SEC63: variants seen among roughly 807,000 people sequenced by gnomAD.
SEC63 encodes SEC63 protein translocation regulator.
In SEC63, 56 loss-of-function variants were observed where a neutral mutation model predicts 116.2. That is an observed-to-expected ratio of 0.48 (90% CI 0.39 to 0.60). The LOEUF (loss-of-function observed/expected upper bound fraction) is 0.60, where lower values mean the gene tolerates loss of function less well. SEC63 is among the 20% of genes least tolerant of loss of function. The probability of loss-of-function intolerance (pLI) is 0.00; values close to 1 mark genes in which losing one functional copy is unlikely to be tolerated. For missense variants in SEC63, 668 were observed against 900.0 expected (o/e 0.74, Z 3.30); for synonymous variants, 273 against 294.6 (o/e 0.93, Z 0.75).
chr6:107,902,576 T>C (rs967372264), intron 12 of SEC63, among the ~76,000 whole-genome samples: 2 of 152,214 alleles, frequency 1.3e-5, no homozygotes, highest in African/African-American at 4.8e-5. Context: ...TTATTTTTGG[T>C]AACATAATAT....
chr6:107,901,265 C>G, intron 13 of SEC63, 105 bp downstream of exon 13: 1 of 1,151,238 alleles, frequency 8.7e-7, no homozygotes, highest in Non-Finnish European at 1.3e-6. Flanking sequence ...AGTCTAATAA[C>G]AAGTTATGTT....
At chr6:107,931,017 A>G (rs746642156) in intron 1 of SEC63, among the ~76,000 whole-genome samples, 6 of 151,382 alleles carry the variant, frequency 4.0e-5, no homozygotes, top group Non-Finnish European at 8.8e-5. Context: ...TTAAGTTTAC[A>G]TAAGAGTTGT....
intron 1 of SEC63, among the ~76,000 whole-genome samples, chr6:107,939,878 T>C (rs2064198): frequency 0.98 from 148,811 of 152,342 alleles, 72,721 homozygotes; most frequent in African/African-American, 0.99. Context: ...AATTGGGAAA[T>C]ACTGCTCTAG....
chr6:107,881,076 T>TA, intron 18 of SEC63, 73 bp downstream of exon 18: 1 of 1,106,004 alleles, frequency 9.0e-7, no homozygotes, highest in Non-Finnish European at 1.4e-6. Context: ...GACAGAGGGC[T>TA]AAAAGTCAAC....
chr6:107,916,324 G>A (rs1043526831), intron 4 of SEC63, among the ~76,000 whole-genome samples: 3 of 152,204 alleles, frequency 2.0e-5, no homozygotes, highest in African/African-American at 4.8e-5. Context: ...CGCAGAAAAT[G>A]TAGTACACAC....
chr6:107,950,209 G>A (rs926356103), intron 1 of SEC63, among the ~76,000 whole-genome samples: 4 of 152,124 alleles, frequency 2.6e-5, no homozygotes, highest in African/African-American at 9.7e-5. Context: ...ATTAGTAAGA[G>A]GTTCAATACA....
intron 14 of SEC63, among the ~76,000 whole-genome samples, chr6:107,895,621 CA>C (rs1562319658): frequency 1.3e-5 from 2 of 152,052 alleles, no homozygotes; most frequent in African/African-American, 2.4e-5. Flanking sequence ...GTATTTCTTG[CA>C]GATGCTCAAA....
intron 14 of SEC63, among the ~76,000 whole-genome samples, chr6:107,896,924 G>A (rs1480425570): frequency 6.6e-6 from 1 of 151,740 alleles, no homozygotes; most frequent in East Asian, 1.9e-4. Flanking sequence ...AGGTTGCAGT[G>A]AGCCAAGATC....
chr6:107,905,664 C>A (rs1239987198), intron 10 of SEC63, among the ~76,000 whole-genome samples: 1 of 152,118 alleles, frequency 6.6e-6, no homozygotes, highest in South Asian at 2.1e-4. Flanking sequence ...TAACCACTGT[C>A]GGAGGAAGCT....
chr6:107,941,664 T>A, intron 1 of SEC63, among the ~76,000 whole-genome samples: 1 of 152,284 alleles, frequency 6.6e-6, no homozygotes, highest in East Asian at 1.9e-4. Context: ...GACAGGAGAG[T>A]TGGCGAGGTT....
intron 1 of SEC63, among the ~76,000 whole-genome samples, chr6:107,951,322 T>A (rs1770573557): frequency 6.6e-6 from 1 of 152,234 alleles, no homozygotes; most frequent in Non-Finnish European, 1.5e-5. Context: ...ACAACTATGA[T>A]AAACTGATTG....
Position 107,909,180 on chromosome 6 carries a change from C to T in SEC63, c.625-145G>A, listed in dbSNP as rs534621317. On this transcript the variant is annotated intron_variant, in intron 7 of 20. Transcript: ENST00000369002. ...CCCAGGAGTTTGAGACCAGCCTGGGCAACATAGTGAGACCCTGTCTCTACA... is the reference window on the plus strand; with the variant it reads ...CCCAGGAGTTTGAGACCAGCCTGGGTAACATAGTGAGACCCTGTCTCTACA... 1.2e-4 allele frequency: 73 copies of T among 623,738 alleles called. No individual in the cohort carries two copies. The African/African-American group carries it at 1.3e-3, about 11-fold the overall frequency. 38.6% of individuals were successfully genotyped at this position (623,738 alleles called of 1,614,324 possible).
intron 1 of SEC63, among the ~76,000 whole-genome samples, chr6:107,948,881 C>T (rs1770527177): frequency 6.6e-6 from 1 of 152,216 alleles, no homozygotes; most frequent in African/African-American, 2.4e-5. Context: ...GCAATCCTAT[C>T]AACAGAATTC....
intron 1 of SEC63, among the ~76,000 whole-genome samples, chr6:107,952,542 G>A (rs543630106): frequency 1.3e-5 from 2 of 152,302 alleles, no homozygotes; most frequent in Admixed American, 6.5e-5. Flanking sequence ...CAGATCCCTT[G>A]AGGTCAGGAG....
At chr6:107,874,651 C>G (rs1022701727) in intron 19 of SEC63, among the ~76,000 whole-genome samples, 4 of 150,972 alleles carry the variant, frequency 2.6e-5, no homozygotes, top group African/African-American at 7.3e-5. Flanking sequence ...ACTAAAGAGG[C>G]ATGACAACCA....
intron 1 of SEC63, among the ~76,000 whole-genome samples, chr6:107,954,068 A>T (rs960797505): frequency 6.6e-6 from 1 of 152,216 alleles, no homozygotes; most frequent in Non-Finnish European, 1.5e-5. Context: ...GATGGTTGCC[A>T]TGTCTGTGTA....
In SEC63 at chr6:107,954,006, C is replaced by T. The variant is rs1398684959; in HGVS notation, c.124+3880G>A. The stretch of plus-strand genomic sequence containing the variant: ...TGAGAACGGGCCATGATGACAATGG[C>T]GGTTTTGTGGAATAGAAAGAGGGGA... On this transcript the variant is annotated intron_variant, in intron 1 of 20. Coordinates refer to ENST00000369002, the MANE Select transcript of SEC63 (RefSeq NM_007214.5). Among the ~76,000 whole-genome samples, 11 of 152,114 alleles carry T rather than the reference C, an allele frequency of 7.2e-5. No individual in the cohort carries two copies. In the East Asian group the frequency reaches 1.2e-3, roughly 16 times the overall value.
chr6:107,942,640 C>A (rs550088556), intron 1 of SEC63, among the ~76,000 whole-genome samples: 49 of 152,312 alleles, frequency 3.2e-4, no homozygotes, highest in Middle Eastern at 3.4e-3. Context: ...GTCCCCACCC[C>A]CTGTGCAGTC....
In SEC63 at chr6:107,901,505, T is replaced by A. The variant is rs771020194; in HGVS notation, c.1222A>T (p.Thr408Ser). The A allele has an allele frequency of 1.3e-6, 2 of 1,592,218 alleles. No homozygotes were observed. Among genetic ancestry groups the A allele is most frequent in the South Asian group, 2.2e-5 (2 of 90,158 alleles). ...TTTAAACTCACCAAATCCTGGATAG[T>A]TTTAATTTTATACTGAATAAAAAAA... ...VSNHKKYKIK[T>S]IQDLVSLKES... The change falls in exon 13 of 21, where the codon ACT (threonine) becomes TCT (serine). Residue 408 changes from threonine to serine, a missense_variant. This residue lies in a region of SEC63 where 430 missense variants were observed against 557.5 expected (regional missense o/e 0.77). Transcript: ENST00000369002.
Sources: gnomAD v4.1 joint callset for allele counts (sites outside exome capture counted in the v4.1 genomes callset) on GRCh38, gnomAD v4.1.1 for gene constraint, gnomAD v4.1.1 regional missense constraint, MANE v1.5 for transcripts, NCBI Gene and HGNC (gene_info 2026-07-23, HGNC 2026-07-21) for gene names.